PCNX1: variants seen among roughly 807,000 people sequenced by gnomAD.
The protein encoded by PCNX1 is pecanex 1.
In PCNX1, 78 loss-of-function variants were observed where a neutral mutation model predicts 242.2. The observed-to-expected ratio is 0.32, with a 90% CI of 0.27 to 0.39. PCNX1 has a LOEUF of 0.39. Ranked by LOEUF, PCNX1 falls within the 10% of genes least tolerant of loss-of-function variation. The pLI is 1.00. For missense variants in PCNX1, 2,581 were observed against 2,856.5 expected, an observed-to-expected ratio of 0.90 and a Z score of 2.20; for synonymous variants, 1,024 against 1,032.9, an observed-to-expected ratio of 0.99 and a Z score of 0.17.
At chr14:71,067,703 G>A (rs2061483656) in intron 26 of PCNX1, among the ~76,000 whole-genome samples, 1 of 152,078 alleles carries the variant, frequency 6.6e-6, no homozygotes, top group Admixed American at 6.6e-5. Context: ...ATGTTAGGGT[G>A]TTGATTTTAG....
chr14:70,916,780 GACA>G (rs1242134374), intron 1 of PCNX1, among the ~76,000 whole-genome samples: 2 of 152,144 alleles, frequency 1.3e-5, no homozygotes, highest in Non-Finnish European at 2.9e-5. Context: ...CTTAAAATAA[GACA>G]ACAATGAAGT....
intron 30 of PCNX1, among the ~76,000 whole-genome samples, chr14:71,098,806 T>C (rs1479247181): frequency 1.3e-5 from 2 of 152,022 alleles, no homozygotes; most frequent in Non-Finnish European, 2.9e-5. Flanking sequence ...CCCCGCTGCC[T>C]GATTGCTGTG....
chr14:70,970,031 T>TGTAC (rs2058494800), intron 5 of PCNX1: 1 of 151,390 alleles, frequency 6.6e-6, no homozygotes, highest in Non-Finnish European at 1.5e-5. Context: ...TATGTATGTA[T>TGTAC]GTACTATGTG....
intron 33 of PCNX1, 25 bp downstream of exon 33, chr14:71,105,465 C>G (rs368534815): frequency 1.7e-5 from 26 of 1,548,136 alleles, no homozygotes; most frequent in Middle Eastern, 3.6e-4. Flanking sequence ...AGTTATATGT[C>G]TAATGTTAGC....
chr14:70,928,116 GTTA>G (rs1301852939), intron 1 of PCNX1, among the ~76,000 whole-genome samples: 1 of 151,808 alleles, frequency 6.6e-6, no homozygotes, highest in Non-Finnish European at 1.5e-5. Context: ...TTGAGTTACT[GTTA>G]TTATTTTGTG....
At chr14:70,911,486 T>G (rs969673558) in intron 1 of PCNX1, among the ~76,000 whole-genome samples, 15 of 152,224 alleles carry the variant, frequency 9.9e-5, no homozygotes, top group African/African-American at 3.6e-4. Flanking sequence ...TAATTCTGAT[T>G]GTCCTGTCTG....
At chr14:70,934,406 G>C (rs2056919302) in intron 1 of PCNX1, among the ~76,000 whole-genome samples, 1 of 150,928 alleles carries the variant, frequency 6.6e-6, no homozygotes. Flanking sequence ...AAAAAAAATT[G>C]TGGTAAAAAC....
chr14:70,938,343 T>C (rs7151145), intron 1 of PCNX1, among the ~76,000 whole-genome samples: 12 of 151,696 alleles, frequency 7.9e-5, no homozygotes, highest in South Asian at 2.1e-4. Flanking sequence ...TAGCATGAAG[T>C]GTTGTTGAAT....
intron 3 of PCNX1, among the ~76,000 whole-genome samples, chr14:70,963,210 C>G (rs1555349695): frequency 6.6e-6 from 1 of 152,190 alleles, no homozygotes; most frequent in Non-Finnish European, 1.5e-5. Flanking sequence ...TCTGGTCTAA[C>G]TCTTCTTGTA....
At chr14:71,002,012 C>G (rs1223627072) in intron 8 of PCNX1, among the ~76,000 whole-genome samples, 2 of 152,108 alleles carry the variant, frequency 1.3e-5, no homozygotes, top group Non-Finnish European at 2.9e-5. Flanking sequence ...CTTTCATTGG[C>G]CATACATAAT....
chr14:70,954,301 C>T (rs1176434487), intron 2 of PCNX1, among the ~76,000 whole-genome samples: 3 of 152,146 alleles, frequency 2.0e-5, no homozygotes, highest in African/African-American at 7.2e-5. Flanking sequence ...CCATACCATC[C>T]TTATCAGCTT....
intron 14 of PCNX1, among the ~76,000 whole-genome samples, chr14:71,026,547 A>T (rs2060248991): frequency 6.6e-6 from 1 of 152,118 alleles, no homozygotes. Context: ...GGTTTCTATT[A>T]TGTGAAAATG....
chr14:71,051,140 C>G (rs2061017260), intron 23 of PCNX1, among the ~76,000 whole-genome samples: 1 of 135,026 alleles, frequency 7.4e-6, no homozygotes, highest in Non-Finnish European at 1.5e-5. Context: ...TGCACTCCAG[C>G]CTGGGCAACG....
chr14:70,918,310 T>A (rs1291563205), intron 1 of PCNX1, among the ~76,000 whole-genome samples: 3 of 152,228 alleles, frequency 2.0e-5, no homozygotes, highest in African/African-American at 7.2e-5. Flanking sequence ...ATTTAATCAT[T>A]TCCAGCTTTT....
chr14:70,990,183 T>A (rs2059121309), intron 7 of PCNX1, among the ~76,000 whole-genome samples: 1 of 152,042 alleles, frequency 6.6e-6, no homozygotes. Flanking sequence ...CTCTGGAATA[T>A]CTCGGAATGT....
At chr14:71,062,359 G>C (rs2061347006) in intron 26 of PCNX1, among the ~76,000 whole-genome samples, 1 of 151,334 alleles carries the variant, frequency 6.6e-6, no homozygotes, top group Non-Finnish European at 1.5e-5. Context: ...GTGTGTTTGT[G>C]TCTTAGTTTT....
chr14:71,064,312 A>G (rs898427907), intron 26 of PCNX1, among the ~76,000 whole-genome samples: 1 of 152,140 alleles, frequency 6.6e-6, no homozygotes, highest in Non-Finnish European at 1.5e-5. Context: ...AGCAAAATAT[A>G]TTAGTAGGGC....
intron 1 of PCNX1, among the ~76,000 whole-genome samples, chr14:70,924,231 C>CAAAAA (rs60333920): frequency 2.1e-4 from 21 of 97,958 alleles, no homozygotes; most frequent in Admixed American, 6.6e-4. Flanking sequence ...GAGACTGTCT[C>CAAAAA]AAAAAAAAAA....
At chr14:71,001,693 C>T (rs1385069040) in intron 8 of PCNX1, among the ~76,000 whole-genome samples, 3 of 152,138 alleles carry the variant, frequency 2.0e-5, no homozygotes, top group African/African-American at 7.2e-5. Flanking sequence ...TAAATTAAAG[C>T]TGGTTAGTAT....
Sources: allele counts gnomAD v4.1 joint callset (sites outside exome capture counted in the v4.1 genomes callset), GRCh38; gene constraint gnomAD v4.1.1; transcripts MANE v1.5; gene names NCBI Gene and HGNC (gene_info 2026-07-23, HGNC 2026-07-21).